EHD4: variants seen among roughly 807,000 people sequenced by gnomAD.
EHD4 encodes EH domain-containing protein 4.
In EHD4, 37 loss-of-function variants were observed where a neutral mutation model predicts 51.0. That is an observed-to-expected ratio of 0.73 (90% confidence interval 0.56 to 0.95). The LOEUF is 0.95. EHD4 is among the 40% of genes least tolerant of loss of function. The pLI, the probability that EHD4 is intolerant of heterozygous loss-of-function variation, is 0.00. For synonymous variants in EHD4, 297 were observed against 317.3 expected (o/e 0.94, Z 0.68); for missense variants, 632 against 733.1 (o/e 0.86, Z 1.59).
At chr15:41,945,930 G>T (rs781159130) in intron 2 of EHD4, among the ~76,000 whole-genome samples, 1 of 152,198 alleles carries the variant, frequency 6.6e-6, no homozygotes, top group African/African-American at 2.4e-5. Flanking sequence ...AAGGTATGTC[G>T]TGTGACTCCT....
intron 1 of EHD4, among the ~76,000 whole-genome samples, chr15:41,955,179 T>C (rs960592817): frequency 2.0e-5 from 3 of 150,050 alleles, no homozygotes; most frequent in Non-Finnish European, 2.9e-5. Flanking sequence ...ATTCCTGATA[T>C]GGCGCTGAGC....
intron 3 of EHD4, among the ~76,000 whole-genome samples, chr15:41,924,064 T>C (rs2067645299): frequency 2.0e-5 from 3 of 152,190 alleles, no homozygotes; most frequent in Admixed American, 2.0e-4. Flanking sequence ...CCTGAGAAAA[T>C]GCTTTTATCC....
At chr15:41,904,671 G>C (rs991261220) in intron 5 of EHD4, among the ~76,000 whole-genome samples, 1 of 152,204 alleles carries the variant, frequency 6.6e-6, no homozygotes, top group East Asian at 1.9e-4. Context: ...ATCCACCAGA[G>C]GGTCTGAGCA....
At chr15:41,928,448 A>G (rs1403756633) in intron 3 of EHD4, 1 of 152,196 alleles carries the variant, frequency 6.6e-6, no homozygotes, top group East Asian at 1.9e-4. Flanking sequence ...CGGATCCTAG[A>G]GCCTGTGCTT....
chr15:41,948,798 G>A (rs1217066649), intron 2 of EHD4, among the ~76,000 whole-genome samples: 2 of 151,886 alleles, frequency 1.3e-5, no homozygotes, highest in Non-Finnish European at 2.9e-5. Context: ...GGAGGCCAAG[G>A]CGGGTAGACT....
intron 1 of EHD4, among the ~76,000 whole-genome samples, chr15:41,961,854 G>A (rs550622282): frequency 1.3e-5 from 2 of 152,264 alleles, no homozygotes; most frequent in South Asian, 2.1e-4. Flanking sequence ...GGGAGACAAA[G>A]TAATCATGAA....
At chr15:41,962,236 G>T (rs557666119) in intron 1 of EHD4, among the ~76,000 whole-genome samples, 62 of 151,754 alleles carry the variant, frequency 4.1e-4, no homozygotes, top group African/African-American at 1.4e-3. Context: ...ATTTTTTTTT[G>T]TTTGTTTTGA....
intron 2 of EHD4, among the ~76,000 whole-genome samples, chr15:41,948,236 G>A (rs2067828318): frequency 6.6e-6 from 1 of 151,998 alleles, no homozygotes; most frequent in Non-Finnish European, 1.5e-5. Context: ...ATAGGTGATG[G>A]AGCAAGACTC....
intron 3 of EHD4, among the ~76,000 whole-genome samples, chr15:41,919,886 G>A (rs547773764): frequency 2.6e-5 from 4 of 152,336 alleles, no homozygotes; most frequent in East Asian, 1.9e-4. Context: ...TCATATCTGC[G>A]ATTTCATTTA....
At chr15:41,957,786 C>T (rs1382142290) in intron 1 of EHD4, among the ~76,000 whole-genome samples, 3 of 152,222 alleles carry the variant, frequency 2.0e-5, no homozygotes, top group African/African-American at 7.2e-5. Flanking sequence ...CACTGGGGGA[C>T]TGCAGAAACT....
chr15:41,948,270 T>C (rs1465058360), intron 2 of EHD4, among the ~76,000 whole-genome samples: 1 of 151,930 alleles, frequency 6.6e-6, no homozygotes, highest in South Asian at 2.1e-4. Flanking sequence ...AAAACCACGA[T>C]GGTTTAGTGA....
intron 4 of EHD4, among the ~76,000 whole-genome samples, chr15:41,911,772 C>G (rs990392922): frequency 2.0e-5 from 3 of 152,166 alleles, no homozygotes; most frequent in Non-Finnish European, 2.9e-5. Context: ...GAGACCACCC[C>G]CTTCCCTGCT....
At chr15:41,903,883 C>T (rs932685672) in intron 5 of EHD4, among the ~76,000 whole-genome samples, 1 of 152,178 alleles carries the variant, frequency 6.6e-6, no homozygotes, top group South Asian at 2.1e-4. Flanking sequence ...CAGCTCAGAG[C>T]AGCGGGTACT....
At chr15:41,934,309 GTTT>G (rs145906559) in intron 3 of EHD4, among the ~76,000 whole-genome samples, 185 of 140,328 alleles carry the variant, frequency 1.3e-3, no homozygotes, top group Middle Eastern at 3.6e-3. Context: ...GTGCCAGGAA[GTTT>G]TTTTTTTTTT....
At chr15:41,928,032 G>A (rs2067674066) in intron 3 of EHD4, among the ~76,000 whole-genome samples, 1 of 152,156 alleles carries the variant, frequency 6.6e-6, no homozygotes, top group South Asian at 2.1e-4. Flanking sequence ...AACTATCTGG[G>A]ATCGCTCAGG....
At chr15:41,954,518 G>C (rs1697716386) in intron 1 of EHD4, among the ~76,000 whole-genome samples, 1 of 152,134 alleles carries the variant, frequency 6.6e-6, no homozygotes, top group Non-Finnish European at 1.5e-5. Flanking sequence ...ACTATTTCCA[G>C]GGAAAGAGAG....
intron 3 of EHD4, among the ~76,000 whole-genome samples, chr15:41,938,327 C>T (rs1273290255): frequency 6.6e-6 from 1 of 152,110 alleles, no homozygotes; most frequent in Non-Finnish European, 1.5e-5. Flanking sequence ...CTTAACATTG[C>T]CTAGGAGGAC....
At chr15:41,915,282 T>G (rs958260139) in intron 4 of EHD4, among the ~76,000 whole-genome samples, 2 of 152,204 alleles carry the variant, frequency 1.3e-5, no homozygotes, top group Admixed American at 1.3e-4. Flanking sequence ...TTCACCATGT[T>G]AGCCAGGCTG....
chr15:41,952,598 T>C (rs2141004244), intron 2 of EHD4, among the ~76,000 whole-genome samples: 1 of 152,228 alleles, frequency 6.6e-6, no homozygotes, highest in Non-Finnish European at 1.5e-5. Flanking sequence ...TCAGTTCCAC[T>C]GGGAACTCTA....
Sources: allele counts gnomAD v4.1 joint callset (sites outside exome capture counted in the v4.1 genomes callset), GRCh38; gene constraint gnomAD v4.1.1; transcripts MANE v1.5; gene names NCBI Gene and HGNC (gene_info 2026-07-23, HGNC 2026-07-21).